The following CYP39A1 variants were observed in gnomAD, a reference collection of about 807,000 sequenced individuals.
CYP39A1 encodes the protein 24-hydroxycholesterol 7-alpha-hydroxylase.
Under a neutral mutation model 58.1 loss-of-function variants are expected in CYP39A1, and 49 were observed. The ratio of observed to expected loss-of-function variants is 0.84; its 90% CI spans 0.67 to 1.07. The LOEUF is 1.07. Among genes scored for constraint, CYP39A1 ranks in the 50% least tolerant of loss-of-function variants. The probability of loss-of-function intolerance (pLI) is 0.00; values close to 1 mark genes in which losing one functional copy is unlikely to be tolerated. For missense variants in CYP39A1, 531 were observed against 539.4 expected (o/e 0.98, Z 0.16); for synonymous variants, 209 against 187.6 (o/e 1.11, Z -0.93).
At chr6:46,628,913 T>C (rs2150577198) in intron 6 of CYP39A1, among the ~76,000 whole-genome samples, 1 of 152,358 alleles carries the variant, frequency 6.6e-6, no homozygotes, top group Middle Eastern at 3.4e-3. Flanking sequence ...TGAAGACCTA[T>C]GCTGAACCAG....
intron 6 of CYP39A1, among the ~76,000 whole-genome samples, chr6:46,627,090 G>T (rs971448164): frequency 6.6e-6 from 1 of 152,016 alleles, no homozygotes. Context: ...AGAAGGGGGT[G>T]GGGAAAATGG....
At chr6:46,635,344 G>A (rs7759472) in intron 5 of CYP39A1, among the ~76,000 whole-genome samples, 4,902 of 152,096 alleles carry the variant, frequency 0.032, 239 homozygotes, top group African/African-American at 0.11. Flanking sequence ...TGTGCCCAAG[G>A]TTACATAACC....
Position 46,608,700 on chromosome 6 carries a change from C to G in CYP39A1, c.932-12580G>C, listed in dbSNP as rs146582743. On this transcript the variant is annotated intron_variant, in intron 7 of 11. Transcript: ENST00000275016. ...CACAATCTCGGCTGATTGCAACCTC[C>G]GCCTCCTGGATTCAAGTAATTCTAC... Among the ~76,000 whole-genome samples, 199 of 152,062 alleles carry G rather than the reference C, an allele frequency of 1.3e-3. 1 individual carries two copies. The highest frequency in any genetic ancestry group is 4.6e-3 in the African/African-American group (190 of 41,498).
intron 7 of CYP39A1, among the ~76,000 whole-genome samples, chr6:46,619,060 C>T (rs929300841): frequency 6.6e-6 from 1 of 152,090 alleles, no homozygotes; most frequent in African/African-American, 2.4e-5. Flanking sequence ...TTGACTTGTC[C>T]CTTCTCTGCC....
At chr6:46,620,906 C>A (rs1424813966) in intron 7 of CYP39A1, among the ~76,000 whole-genome samples, 1 of 99,844 alleles carries the variant, frequency 1.0e-5, no homozygotes, top group African/African-American at 4.5e-5. Context: ...AATAACTAAA[C>A]AATCAAACAA....
At position 46,587,163 on chromosome 6, in the gene CYP39A1, T is replaced by C. The variant is rs557668840; in HGVS notation, c.1164A>G (p.Glu388=). Reference sequence around the variant, plus strand: ...TCTCTAAATTTGCCTTTTTCCAACGTTCCTGTGGGAAGAAAACATTTTTTT... The same window carrying C: ...TCTCTAAATTTGCCTTTTTCCAACGCTCCTGTGGGAAGAAAACATTTTTTT... ...YFPEPELFKP[E]RWKKANLEKH... is the part of the protein sequence containing the mutation. Residue 388 remains glutamate, a splice_region_variant and synonymous_variant, in exon 10 of 12, where the codon GAA becomes GAG. Transcript: ENST00000275016. 88 of 1,604,196 alleles carry C rather than the reference T, an allele frequency of 5.5e-5. No individual in the cohort carries two copies. The South Asian group carries it at 8.5e-4, about 15-fold the overall frequency.
chr6:46,583,070 C>T, intron 10 of CYP39A1: 1 of 985,262 alleles, frequency 1.0e-6, no homozygotes, highest in Non-Finnish European at 1.2e-6. Context: ...CCTAGGACTC[C>T]CTAGAATACA....
chr6:46,599,733 C>T (rs1483286555), intron 7 of CYP39A1, among the ~76,000 whole-genome samples: 1 of 152,092 alleles, frequency 6.6e-6, no homozygotes, highest in Non-Finnish European at 1.5e-5. Flanking sequence ...TAGTGACACC[C>T]ACAATAACAT....
At chr6:46,607,041 G>A (rs892026488) in intron 7 of CYP39A1, among the ~76,000 whole-genome samples, 1 of 152,148 alleles carries the variant, frequency 6.6e-6, no homozygotes, top group Non-Finnish European at 1.5e-5. Context: ...AATGTTCAAG[G>A]AGACAAGCTT....
At chr6:46,651,533 G>T (rs192859935) in intron 1 of CYP39A1, among the ~76,000 whole-genome samples, 7 of 152,080 alleles carry the variant, frequency 4.6e-5, no homozygotes, top group Admixed American at 3.3e-4. Context: ...CAGTACAGCT[G>T]GTGTGATATT....
At chr6:46,633,112 T>C (rs1050242110) in intron 5 of CYP39A1, among the ~76,000 whole-genome samples, 1 of 152,206 alleles carries the variant, frequency 6.6e-6, no homozygotes, top group African/African-American at 2.4e-5. Context: ...GTGAAATATG[T>C]AACACTATGC....
At chr6:46,619,204 G>A (rs140812975) in intron 7 of CYP39A1, among the ~76,000 whole-genome samples, 21 of 152,130 alleles carry the variant, frequency 1.4e-4, no homozygotes, top group African/African-American at 4.1e-4. Context: ...TAAAACATTC[G>A]TTTCATATAA....
Position 46,648,955 on chromosome 6 carries a change from T to G in CYP39A1, c.177+3451A>C, listed in dbSNP as rs79509726. ...TCAATGTCTCATGCTTAAAAAATGG[T>G]AAATTCTAATAAACAAAAGACTGAT... On this transcript the variant is annotated intron_variant, in intron 1 of 11. Transcript: ENST00000275016. 7.9e-4 allele frequency among the ~76,000 whole-genome samples: 120 copies of G among 152,288 alleles called. No individual in the cohort carries two copies. In the East Asian group the frequency reaches 7.9e-3, roughly 10 times the overall value.
chr6:46,552,355 T>G (rs1037620545), intron 11 of CYP39A1, among the ~76,000 whole-genome samples: 3 of 152,154 alleles, frequency 2.0e-5, no homozygotes, highest in African/African-American at 4.8e-5. Flanking sequence ...TGAGTTCCCT[T>G]TCATTGTAAG....
At chr6:46,566,485 C>T (rs1771288409) in intron 10 of CYP39A1, among the ~76,000 whole-genome samples, 1 of 152,108 alleles carries the variant, frequency 6.6e-6, no homozygotes, top group Non-Finnish European at 1.5e-5. Context: ...TTTATAAAAA[C>T]CATCAGATCT....
intron 7 of CYP39A1, among the ~76,000 whole-genome samples, chr6:46,612,433 A>G (rs1240661403): frequency 6.6e-6 from 1 of 152,250 alleles, no homozygotes; most frequent in Non-Finnish European, 1.5e-5. Context: ...TGGGGTAGAA[A>G]GAATAGTTTC....
At chr6:46,633,586 C>A (rs569719745) in intron 5 of CYP39A1, among the ~76,000 whole-genome samples, 1 of 152,074 alleles carries the variant, frequency 6.6e-6, no homozygotes, top group Admixed American at 6.6e-5. Flanking sequence ...CGGCCAGGCA[C>A]GGTGGCTCAC....
At chr6:46,620,909 TCAAA>T (rs1274074096) in intron 7 of CYP39A1, among the ~76,000 whole-genome samples, 1 of 99,840 alleles carries the variant, frequency 1.0e-5, no homozygotes, top group East Asian at 2.3e-4. Context: ...AACTAAACAA[TCAAA>T]CAAACAACAA....
chr6:46,638,639 C>T (rs1004965877), intron 3 of CYP39A1, among the ~76,000 whole-genome samples: 2 of 152,250 alleles, frequency 1.3e-5, no homozygotes, highest in African/African-American at 4.8e-5. Context: ...TTGTTCATTT[C>T]AATATCTTCA....
Sources: gnomAD v4.1 joint callset for allele counts (sites outside exome capture counted in the v4.1 genomes callset) on GRCh38, gnomAD v4.1.1 for gene constraint, MANE v1.5 for transcripts, NCBI Gene and HGNC (gene_info 2026-07-23, HGNC 2026-07-21) for gene names.